ADGRL3: variants seen among roughly 807,000 people sequenced by gnomAD.
ADGRL3 encodes the protein calcium-independent alpha-latrotoxin receptor 3.
Under a neutral mutation model 153.5 loss-of-function variants are expected in ADGRL3, and 62 were observed. The observed-to-expected ratio is 0.40, with a 90% CI of 0.33 to 0.50. The LOEUF (loss-of-function observed/expected upper bound fraction) is 0.50. Ranked by LOEUF, ADGRL3 falls within the 20% of genes least tolerant of loss-of-function variation. The pLI is 0.47. For synonymous variants in ADGRL3, 710 were observed against 672.5 expected (o/e 1.06, Z -0.86); for missense variants, 1,641 against 1,859.4 (o/e 0.88, Z 2.16).
chr4:62,073,048 G>GT lies in ADGRL3; in HGVS notation c.*2142dup, dbSNP rs977181432. 72 of 152,118 alleles carry GT rather than the reference G, an allele frequency of 4.7e-4. No individual in the cohort carries two copies. Among genetic ancestry groups the GT allele is most frequent in the African/African-American group, 1.6e-3 (68 of 41,514 alleles). 9.4% of individuals were successfully genotyped at this position (152,118 alleles called of 1,614,324 possible). On this transcript the variant is annotated 3_prime_UTR_variant, in exon 27 of 27. Coordinates refer to ENST00000683033, the MANE Select transcript of ADGRL3 (RefSeq NM_001387552.1). ...AGCAGTGTCCAAGTACAGATCCCCTGTTAGGGCAAAGCTAAAAGGAACCTG... is the reference window on the plus strand; with the variant it reads ...AGCAGTGTCCAAGTACAGATCCCCTGTTTAGGGCAAAGCTAAAAGGAACCTG...
chr4:62,009,400 AAT>A (rs140736226), intron 21 of ADGRL3, among the ~76,000 whole-genome samples: 1,829 of 152,194 alleles, frequency 0.012, 43 homozygotes, highest in African/African-American at 0.042. Context: ...CTAAAAATAA[AAT>A]ATAGAGTTAT....
At chr4:61,786,606 T>G (rs1258713883) in intron 8 of ADGRL3, among the ~76,000 whole-genome samples, 4 of 152,218 alleles carry the variant, frequency 2.6e-5, no homozygotes, top group Non-Finnish European at 5.9e-5. Context: ...CCCATAGTTT[T>G]TGTTTGTTTT....
At chr4:61,734,343 G>A (rs1034030365) in intron 8 of ADGRL3, among the ~76,000 whole-genome samples, 20 of 151,956 alleles carry the variant, frequency 1.3e-4, no homozygotes, top group African/African-American at 4.8e-4. Context: ...TCACACTGCT[G>A]TAAAGATATA....
At chr4:61,781,578 C>G (rs2097215131) in intron 8 of ADGRL3, among the ~76,000 whole-genome samples, 2 of 152,112 alleles carry the variant, frequency 1.3e-5, no homozygotes. Flanking sequence ...TATCCCGACT[C>G]TAACTCCAAT....
At chr4:62,003,108 A>G (rs1009924129) in intron 21 of ADGRL3, among the ~76,000 whole-genome samples, 2 of 152,190 alleles carry the variant, frequency 1.3e-5, no homozygotes, top group African/African-American at 2.4e-5. Flanking sequence ...GGCCATTTTA[A>G]GACGTAGAAA....
At chr4:61,525,942 A>AAGTTGGCAATTTT (rs2098556207) in intron 4 of ADGRL3, among the ~76,000 whole-genome samples, 2 of 152,112 alleles carry the variant, frequency 1.3e-5, no homozygotes, top group South Asian at 4.1e-4. Context: ...TTAGTGATAA[A>AAGTTGGCAATTTT]AGTTGGCAAT....
At chr4:62,060,052 T>C (rs963459173) in intron 25 of ADGRL3, among the ~76,000 whole-genome samples, 1 of 152,050 alleles carries the variant, frequency 6.6e-6, no homozygotes, top group Non-Finnish European at 1.5e-5. Context: ...TGATTAATCC[T>C]TTTTTGTTCT....
intron 4 of ADGRL3, among the ~76,000 whole-genome samples, chr4:61,581,049 A>T (rs2098922724): frequency 6.6e-6 from 1 of 152,094 alleles, no homozygotes; most frequent in South Asian, 2.1e-4. Context: ...TCTTAGTTTA[A>T]AGAATTTAAA....
intron 1 of ADGRL3, among the ~76,000 whole-genome samples, chr4:61,216,068 A>G (rs367919235): frequency 2.6e-5 from 4 of 152,096 alleles, no homozygotes; most frequent in South Asian, 4.2e-4. Context: ...TTGCAAGTTG[A>G]GCTTTTCAAA....
At chr4:61,397,518 A>T (rs2096882404) in intron 2 of ADGRL3, among the ~76,000 whole-genome samples, 1 of 151,836 alleles carries the variant, frequency 6.6e-6, no homozygotes, top group South Asian at 2.1e-4. Flanking sequence ...GAGAGTTATG[A>T]GTTGAAAGCA....
At chr4:62,033,696 G>A (rs1022351292) in intron 23 of ADGRL3, among the ~76,000 whole-genome samples, 4 of 151,668 alleles carry the variant, frequency 2.6e-5, no homozygotes, top group Non-Finnish European at 5.9e-5. Flanking sequence ...GAATATATTA[G>A]GTCATTATGA....
chr4:61,851,971 C>T (rs963712209), intron 9 of ADGRL3, among the ~76,000 whole-genome samples: 3 of 152,112 alleles, frequency 2.0e-5, no homozygotes, highest in South Asian at 2.1e-4. Flanking sequence ...CACGTGTTTA[C>T]GGAGAAAAAA....
chr4:61,893,182 T>C (rs1440195880), intron 10 of ADGRL3, among the ~76,000 whole-genome samples: 1 of 151,842 alleles, frequency 6.6e-6, no homozygotes, highest in Non-Finnish European at 1.5e-5. Context: ...TTACAACATA[T>C]TTTATTACTT....
At chr4:61,570,043 G>A (rs957582190) in intron 4 of ADGRL3, among the ~76,000 whole-genome samples, 10 of 152,000 alleles carry the variant, frequency 6.6e-5, no homozygotes, top group East Asian at 1.9e-4. Flanking sequence ...TACTATGAAC[G>A]TATTTGCACA....
At chr4:61,760,982 T>C (rs1413422962) in intron 8 of ADGRL3, among the ~76,000 whole-genome samples, 1 of 152,132 alleles carries the variant, frequency 6.6e-6, no homozygotes, top group African/African-American at 2.4e-5. Context: ...GGAGTGCTAA[T>C]TGGTTAGGTA....
At chr4:61,653,569 G>A (rs190915168) in intron 5 of ADGRL3, among the ~76,000 whole-genome samples, 2 of 152,230 alleles carry the variant, frequency 1.3e-5, no homozygotes, top group Admixed American at 1.3e-4. Context: ...CTTCATTTGA[G>A]TATTACTTCA....
At chr4:61,763,797 A>G (rs2096940921) in intron 8 of ADGRL3, among the ~76,000 whole-genome samples, 1 of 152,102 alleles carries the variant, frequency 6.6e-6, no homozygotes, top group Admixed American at 6.6e-5. Flanking sequence ...AGTTACTATA[A>G]ATATTTTTTA....
At chr4:61,377,122 C>T (rs2096612681) in intron 1 of ADGRL3, among the ~76,000 whole-genome samples, 1 of 151,992 alleles carries the variant, frequency 6.6e-6, no homozygotes, top group African/African-American at 2.4e-5. Context: ...CTTCTTTTGC[C>T]TTTACCTTCC....
chr4:61,345,472 C>G (rs1426377928), intron 1 of ADGRL3, among the ~76,000 whole-genome samples: 1 of 152,078 alleles, frequency 6.6e-6, no homozygotes, highest in South Asian at 2.1e-4. Context: ...TTCTCACTCA[C>G]TTAATTGATT....
Sources: allele counts gnomAD v4.1 joint callset (sites outside exome capture counted in the v4.1 genomes callset), GRCh38; gene constraint gnomAD v4.1.1; transcripts MANE v1.5; gene names NCBI Gene and HGNC (gene_info 2026-07-23, HGNC 2026-07-21).